The following ALPK2 variants were observed in gnomAD, a reference collection of about 807,000 sequenced individuals.
The protein encoded by ALPK2 is alpha kinase 2, also known as alpha-protein kinase 2.
ALPK2 carries 127 observed loss-of-function variants against 163.1 expected under a neutral mutation model. The observed-to-expected ratio is 0.78, with a 90% CI of 0.67 to 0.90. ALPK2 has a LOEUF of 0.90. Among genes scored for constraint, ALPK2 ranks in the 40% least tolerant of loss-of-function variants. ALPK2 has a pLI of 0.00. For synonymous variants in ALPK2, 953 were observed against 959.1 expected, an observed-to-expected ratio of 0.99 and a Z score of 0.12; for missense variants, 2,360 against 2,589.6, an observed-to-expected ratio of 0.91 and a Z score of 1.92.
At chr18:58,578,703 T>C (rs189553550) in intron 4 of ALPK2, 111 bp downstream of exon 4, 2 of 814,894 alleles carry the variant, frequency 2.5e-6, no homozygotes, top group Admixed American at 6.1e-5. Flanking sequence ...CATTATGGTA[T>C]AGCAATTGTG....
At chr18:58,548,327 G>GT (rs144781600) in intron 4 of ALPK2, among the ~76,000 whole-genome samples, 26,604 of 144,126 alleles carry the variant, frequency 0.18, 2,673 homozygotes, top group East Asian at 0.33. Context: ...CCTGTGTTTT[G>GT]TTTTTTTTTT....
At chr18:58,615,905 T>A (rs1413508729) in intron 1 of ALPK2, among the ~76,000 whole-genome samples, 119 of 152,344 alleles carry the variant, frequency 7.8e-4, no homozygotes, top group African/African-American at 2.8e-3. Context: ...ACTATTTGAC[T>A]CACATAGTCA....
intron 11 of ALPK2, among the ~76,000 whole-genome samples, chr18:58,499,586 T>A (rs558578645): frequency 2.6e-4 from 39 of 152,356 alleles, no homozygotes; most frequent in African/African-American, 9.1e-4. Context: ...TTATGGGCAC[T>A]TGCTCCAACG....
chr18:58,570,153 A>G (rs748563431), intron 4 of ALPK2, among the ~76,000 whole-genome samples: 3 of 151,902 alleles, frequency 2.0e-5, no homozygotes, highest in Non-Finnish European at 2.9e-5. Flanking sequence ...AAAAGAAAAG[A>G]AAAACCTCCG....
chr18:58,569,331 G>A lies in ALPK2; in HGVS notation c.1962+9483C>T, dbSNP rs184966652. 1.8e-3 allele frequency among the ~76,000 whole-genome samples: 281 copies of A among 152,314 alleles called. 2 individuals carry two copies. Among genetic ancestry groups the A allele is most frequent in the African/African-American group, 5.8e-3 (242 of 41,558 alleles). ...ACTGCAGACCAAATCACATCAGAAT[G>A]TCTGAGGGCAAAACCCAGGCAGCTG... is the stretch of plus-strand genomic sequence containing the variant. On this transcript the variant is annotated intron_variant, in intron 4 of 12. Transcript: ENST00000361673.
At chr18:58,483,529 CTTTATTTATTTATTTA>C (rs144938882) in intron 12 of ALPK2, among the ~76,000 whole-genome samples, 9 of 142,778 alleles carry the variant, frequency 6.3e-5, no homozygotes, top group South Asian at 2.4e-4. Context: ...GTCCTACTCA[CTTTATTTATTTATTTA>C]TTTATTTATT....
chr18:58,556,417 C>T (rs1007163727), intron 4 of ALPK2, among the ~76,000 whole-genome samples: 10 of 152,168 alleles, frequency 6.6e-5, no homozygotes, highest in African/African-American at 9.6e-5. Flanking sequence ...AAGGCTTCGC[C>T]GCTTCCTGAC....
chr18:58,559,154 A>G (rs1031033216), intron 4 of ALPK2, among the ~76,000 whole-genome samples: 1 of 152,208 alleles, frequency 6.6e-6, no homozygotes, highest in African/African-American at 2.4e-5. Flanking sequence ...GCCAAAGCTA[A>G]TCAACGTGGG....
Position 58,537,351 on chromosome 18 carries a change from G to A in ALPK2, c.2836C>T (p.Leu946Phe), listed in dbSNP as rs1568078758. ...NSGGLDETQL[L>F]SSENNPLVQF... ...ACTAAAGGATTGTTCTCAGAAGAAAGGAGCTGTGTTTCATCAAGCCCTCCT... is the reference window on the plus strand; with the variant it reads ...ACTAAAGGATTGTTCTCAGAAGAAAAGAGCTGTGTTTCATCAAGCCCTCCT... The change falls in exon 5 of 13, where the codon CTT (leucine) becomes TTT (phenylalanine). Residue 946 changes from leucine (L) to phenylalanine (F), a missense_variant. Transcript: ENST00000361673. The A allele has an allele frequency of 1.9e-6, 3 of 1,613,926 alleles. No individual in the cohort carries two copies. The highest frequency in any genetic ancestry group is 2.5e-6 in the Non-Finnish European group (3 of 1,179,966).
At chr18:58,539,731 A>G (rs1602208688) in intron 4 of ALPK2, among the ~76,000 whole-genome samples, 1 of 152,184 alleles carries the variant, frequency 6.6e-6, no homozygotes, top group Non-Finnish European at 1.5e-5. Context: ...TGGGCATATT[A>G]TGGCTCCAAT....
rs530276510 is a variant in ALPK2, at chr18:58,611,834, TC to T, written c.-20-18del. Reference sequence around the variant, plus strand: ...GCACCAAATCTGAAAAAAAAAAAAATCCCCGACATCACCATTTGTTCTGGGA... The same window carrying T: ...GCACCAAATCTGAAAAAAAAAAAAATCCCGACATCACCATTTGTTCTGGGA... On this transcript the variant is annotated intron_variant, in intron 1 of 12. Coordinates refer to ENST00000361673, the MANE Select transcript of ALPK2 (RefSeq NM_052947.4). The T allele has an allele frequency of 3.7e-4, 447 of 1,202,690 alleles. 4 individuals are homozygous for T. The South Asian group carries it at 5.2e-3, about 14-fold the overall frequency. The allele number at this position is 1,202,690 out of a possible 1,614,324, so 74.5% of individuals were successfully genotyped here.
intron 12 of ALPK2, among the ~76,000 whole-genome samples, chr18:58,491,216 C>T (rs1376241090): frequency 6.6e-6 from 1 of 152,224 alleles, no homozygotes; most frequent in Non-Finnish European, 1.5e-5. Flanking sequence ...TTGTTCTTTC[C>T]TGGGCAGAGG....
intron 10 of ALPK2, among the ~76,000 whole-genome samples, chr18:58,508,649 G>C (rs2051473644): frequency 6.6e-6 from 1 of 152,174 alleles, no homozygotes; most frequent in Non-Finnish European, 1.5e-5. Context: ...TATTTATATG[G>C]TCTAAAAAGG....
intron 1 of ALPK2, among the ~76,000 whole-genome samples, chr18:58,613,708 A>AAATAATAATAATAAT (rs147174781): frequency 3.2e-5 from 3 of 95,216 alleles, no homozygotes; most frequent in Admixed American, 1.1e-4. Flanking sequence ...CAAAAAAAAA[A>AAATAATAATAATAAT]AATAATAATA....
At chr18:58,553,518 C>T (rs2051770244) in intron 4 of ALPK2, among the ~76,000 whole-genome samples, 1 of 152,144 alleles carries the variant, frequency 6.6e-6, no homozygotes, top group African/African-American at 2.4e-5. Context: ...TGTCCCCACC[C>T]AAATCTCATC....
intron 6 of ALPK2, among the ~76,000 whole-genome samples, chr18:58,528,295 G>A (rs2051594143): frequency 6.6e-6 from 1 of 152,172 alleles, no homozygotes. Flanking sequence ...ACTTTGGGAG[G>A]CTGAGGCAGG....
chr18:58,488,308 T>C (rs1241586536), intron 12 of ALPK2, among the ~76,000 whole-genome samples: 1 of 151,258 alleles, frequency 6.6e-6, no homozygotes, highest in Non-Finnish European at 1.5e-5. Flanking sequence ...ATTTGCTATG[T>C]GTTAGAAACT....
At chr18:58,626,138 G>A (rs1242287175) in intron 1 of ALPK2, among the ~76,000 whole-genome samples, 1 of 152,060 alleles carries the variant, frequency 6.6e-6, no homozygotes, top group African/African-American at 2.4e-5. Context: ...AGAATGTATC[G>A]AGGTACTCCA....
At chr18:58,605,421 G>A (rs2052093087) in intron 3 of ALPK2, among the ~76,000 whole-genome samples, 1 of 152,212 alleles carries the variant, frequency 6.6e-6, no homozygotes, top group Non-Finnish European at 1.5e-5. Flanking sequence ...GATATAGATA[G>A]ATAGATGTCT....
Sources: allele counts gnomAD v4.1 joint callset (sites outside exome capture counted in the v4.1 genomes callset), GRCh38; gene constraint gnomAD v4.1.1; transcripts MANE v1.5; gene names NCBI Gene and HGNC (gene_info 2026-07-23, HGNC 2026-07-21).